The following TCF3 variants were observed in gnomAD, a reference collection of about 807,000 sequenced individuals.
TCF3 encodes transcription factor 3.
A neutral mutation model predicts 72.3 loss-of-function variants in TCF3; 54 were observed. That is an observed-to-expected ratio of 0.75 (90% confidence interval 0.60 to 0.94). The LOEUF (loss-of-function observed/expected upper bound fraction) is 0.94. Ranked by LOEUF, TCF3 falls within the 40% of genes least tolerant of loss-of-function variation. The pLI is 0.00. For synonymous variants in TCF3, 525 were observed against 412.6 expected, an observed-to-expected ratio of 1.27 and a Z score of -3.30; for missense variants, 1,078 against 934.4, an observed-to-expected ratio of 1.15 and a Z score of -2.00.
intron 3 of TCF3, among the ~76,000 whole-genome samples, chr19:1,638,165 G>A (rs777332841): frequency 1.3e-5 from 2 of 152,212 alleles, no homozygotes; most frequent in Non-Finnish European, 2.9e-5. Context: ...CCCTCTGGGG[G>A]CACTTTGTGA....
intron 2 of TCF3, 61 bp from the exon 3 acceptor site, chr19:1,646,488 G>C (rs532900820): frequency 6.8e-7 from 1 of 1,479,168 alleles, no homozygotes; most frequent in African/African-American, 1.4e-5. Flanking sequence ...CTACAGTCCC[G>C]GGTTCAAACC....
intron 18 of TCF3, among the ~76,000 whole-genome samples, chr19:1,612,797 G>A (rs2061162709): frequency 6.6e-6 from 1 of 151,404 alleles, no homozygotes; most frequent in African/African-American, 2.4e-5. Context: ...GTGTTGGTGT[G>A]GGCAGCAGTG....
At position 1,642,312 on chromosome 19, in the gene TCF3, GCA is replaced by G. The variant is rs747981790; in HGVS notation, c.145+4041_145+4042del. On this transcript the variant is annotated intron_variant, in intron 3 of 18. Coordinates refer to ENST00000262965, the MANE Select transcript of TCF3 (RefSeq NM_003200.5). The stretch of plus-strand genomic sequence containing the variant: ...CACACGCACAGACACACACCCGCAC[GCA>G]CACACAGACACACACACGTGCGTGT... Among the ~76,000 whole-genome samples, 22 of 151,522 alleles carry G rather than the reference GCA, an allele frequency of 1.5e-4. No individual in the cohort carries two copies. The South Asian group carries it at 1.7e-3, about 11-fold the overall frequency.
At chr19:1,639,946 A>G (rs770022389) in intron 3 of TCF3, among the ~76,000 whole-genome samples, 29 of 152,150 alleles carry the variant, frequency 1.9e-4, no homozygotes, top group Non-Finnish European at 4.1e-4. Flanking sequence ...AGAAATGCCG[A>G]TAAAGAGGAA....
Position 1,648,190 on chromosome 19 carries a change from C to T in TCF3, c.73-1763G>A, listed in dbSNP as rs531003440. ...GAGTTCCCTGTTCTCTCACTTTATACGCATCTGGTCCAGGGAAGTAAGTGC... is the reference window on the plus strand; with the variant it reads ...GAGTTCCCTGTTCTCTCACTTTATATGCATCTGGTCCAGGGAAGTAAGTGC... On this transcript the variant is annotated intron_variant, in intron 2 of 18. Coordinates refer to ENST00000262965, the MANE Select transcript of TCF3 (RefSeq NM_003200.5). Among the ~76,000 whole-genome samples, 4 of 152,338 alleles carry T rather than the reference C, an allele frequency of 2.6e-5. No homozygotes were observed. In the South Asian group the frequency reaches 8.3e-4, roughly 32 times the overall value.
At chr19:1,646,663 A>G (rs1330798760) in intron 2 of TCF3, among the ~76,000 whole-genome samples, 2 of 152,170 alleles carry the variant, frequency 1.3e-5, no homozygotes, top group African/African-American at 4.8e-5. Flanking sequence ...AGAAAACTCC[A>G]GACGATGACC....
chr19:1,637,035 A>C (rs2064513956), intron 3 of TCF3, among the ~76,000 whole-genome samples: 1 of 152,186 alleles, frequency 6.6e-6, no homozygotes, highest in Non-Finnish European at 1.5e-5. Flanking sequence ...CAACACAGGC[A>C]ACCTCCTCCG....
In TCF3 at chr19:1,614,121, G is replaced by A. The variant is rs2061313054; in HGVS notation, c.1822+1164C>T. On this transcript the variant is annotated intron_variant, in intron 18 of 18. Coordinates refer to ENST00000262965, the MANE Select transcript of TCF3 (RefSeq NM_003200.5). This position sits in a 1 kb window ranked among gnomAD's most constrained non-coding sequence, Gnocchi z 5.6. ...ACCCACTGCTCTAGGTTGTGGTGAA[G>A]ATGAAATGGGTGAAGGTCTGGCCCA... Among the ~76,000 whole-genome samples, 1 of 152,254 alleles carries A rather than the reference G, an allele frequency of 6.6e-6. No individual in the cohort carries two copies. Among genetic ancestry groups the A allele is most frequent in the African/African-American group, 2.4e-5 (1 of 41,464 alleles).
chr19:1,623,967 G>A lies in TCF3; in HGVS notation c.533C>T (p.Pro178Leu), dbSNP rs756584024. Residue 178 changes from proline (P) to leucine (L), a missense_variant, in exon 8 of 19, where the codon CCG becomes CTG. Pro to Leu is a moderately conservative substitution (Grantham distance 98). Coordinates refer to ENST00000262965, the MANE Select transcript of TCF3 (RefSeq NM_003200.5). The stretch of plus-strand genomic sequence containing the variant: ...GCGACTCACCGAGGATGGAAGACCC[G>A]GCGGGACCTTCCGGACCTTCTTGGG... ...TQPKKVRKVPPGLPSSVYPPS... is the reference protein window; with the variant it reads ...TQPKKVRKVPLGLPSSVYPPS... The A allele has an allele frequency of 9.3e-6, 15 of 1,613,434 alleles. No individual in the cohort carries two copies. The highest frequency in any genetic ancestry group is 3.3e-5 in the Admixed American group (2 of 60,000).
chr19:1,624,584 G>C (rs549190489), intron 7 of TCF3, among the ~76,000 whole-genome samples: 1 of 152,170 alleles, frequency 6.6e-6, no homozygotes, highest in Non-Finnish European at 1.5e-5. Flanking sequence ...AGATGGCCCC[G>C]ACTATCCCAC....
At chr19:1,612,675 A>T (rs1411680745) in intron 18 of TCF3, among the ~76,000 whole-genome samples, 1 of 149,252 alleles carries the variant, frequency 6.7e-6, no homozygotes, top group Non-Finnish European at 1.5e-5. Context: ...GTGCAGGTAC[A>T]CGGCTGGTGT....
intron 3 of TCF3, among the ~76,000 whole-genome samples, chr19:1,641,804 G>C (rs1267089222): frequency 6.6e-6 from 1 of 151,922 alleles, no homozygotes; most frequent in Non-Finnish European, 1.5e-5. Context: ...TGTTGCCCAG[G>C]CTGGTCTTGA....
intron 3 of TCF3, among the ~76,000 whole-genome samples, chr19:1,645,519 G>A (rs986902564): frequency 4.6e-5 from 7 of 152,120 alleles, no homozygotes; most frequent in Admixed American, 1.3e-4. Context: ...GTCCGTACGG[G>A]CTGCTCTCTC....
intron 3 of TCF3, among the ~76,000 whole-genome samples, chr19:1,646,127 G>T (rs1265315364): frequency 1.1e-4 from 16 of 152,140 alleles, no homozygotes; most frequent in South Asian, 2.1e-4. Flanking sequence ...GGCGCGGGAG[G>T]GACGAGGGGA....
chr19:1,639,484 C>T (rs2064930921), intron 3 of TCF3, among the ~76,000 whole-genome samples: 2 of 152,174 alleles, frequency 1.3e-5, no homozygotes, highest in African/African-American at 4.8e-5. Flanking sequence ...GATGGCGCTG[C>T]TCTCAGCCTG....
chr19:1,615,206 G>A lies in TCF3; in HGVS notation c.1822+79C>T, dbSNP rs1256627871. 2.0e-6 allele frequency: 3 copies of A among 1,485,396 alleles called. No individual in the cohort carries two copies. Among genetic ancestry groups the A allele is most frequent in the Non-Finnish European group, 2.7e-6 (3 of 1,118,420 alleles). 92.0% of individuals were successfully genotyped at this position (1,485,396 alleles called of 1,614,324 possible). A position where few individuals can be genotyped will look rare whatever the true frequency, so the allele number is the denominator to read the frequency against. On this transcript the variant is annotated intron_variant, in intron 18 of 18. Coordinates refer to ENST00000262965, the MANE Select transcript of TCF3 (RefSeq NM_003200.5). This position sits in a 1 kb window ranked among gnomAD's most constrained non-coding sequence, Gnocchi z 7.3. ...AGGGAGGGCTGGCTCCAGGAAGGCGGGCGGGGAAGGAGAACGAGGGCAGGA... is the reference window on the plus strand; with the variant it reads ...AGGGAGGGCTGGCTCCAGGAAGGCGAGCGGGGAAGGAGAACGAGGGCAGGA...
intron 10 of TCF3, 32 bp from the exon 11 acceptor site, chr19:1,622,002 G>C (rs368156408): frequency 6.3e-7 from 1 of 1,599,574 alleles, no homozygotes; most frequent in Non-Finnish European, 8.5e-7. Flanking sequence ...GGGTGGGTTA[G>C]ATGGGCACTG....
Position 1,646,485 on chromosome 19 carries a change from C to T in TCF3, c.73-58G>A, listed in dbSNP as rs559083444. The stretch of plus-strand genomic sequence containing the variant: ...CGGGTGGCAAACCAAACCCTACAGT[C>T]CCGGGTTCAAACCCAAGCTGGGAGC... On this transcript the variant is annotated intron_variant, in intron 2 of 18. Coordinates refer to ENST00000262965, the MANE Select transcript of TCF3 (RefSeq NM_003200.5). 9 of 1,498,046 alleles carry T rather than the reference C, an allele frequency of 6.0e-6. No homozygotes were observed. In the African/African-American group the frequency reaches 1.2e-4, roughly 21 times the overall value. 92.8% of individuals were successfully genotyped at this position (1,498,046 alleles called of 1,614,324 possible).
chr19:1,632,465 T>A, intron 3 of TCF3, 60 bp from the exon 4 acceptor site: 2 of 1,519,636 alleles, frequency 1.3e-6, no homozygotes, highest in East Asian at 4.9e-5. Context: ...TCTAAAAGCT[T>A]CGGTTCATCA....
Sources: allele counts gnomAD v4.1 joint callset (sites outside exome capture counted in the v4.1 genomes callset), GRCh38; gene constraint gnomAD v4.1.1; non-coding constraint Gnocchi (gnomAD v3.1); transcripts MANE v1.5; gene names NCBI Gene and HGNC (gene_info 2026-07-23, HGNC 2026-07-21).